PCDH9: variants seen among roughly 807,000 people sequenced by gnomAD.
PCDH9 encodes protocadherin-9.
Under a neutral mutation model 70.6 loss-of-function variants are expected in PCDH9, and 24 were observed. The observed-to-expected ratio is 0.34, with a 90% CI of 0.25 to 0.48. The LOEUF is 0.48. PCDH9 is among the 20% of genes least tolerant of loss of function. The probability of loss-of-function intolerance (pLI) is 0.99; values close to 1 mark genes in which losing one functional copy is unlikely to be tolerated. For missense variants in PCDH9, 1,281 were observed against 1,503.6 expected, an observed-to-expected ratio of 0.85 and a Z score of 2.45; for synonymous variants, 562 against 558.5, an observed-to-expected ratio of 1.01 and a Z score of -0.09.
chr13:67,035,293 A>G (rs1464499545), intron 2 of PCDH9, among the ~76,000 whole-genome samples: 1 of 152,156 alleles, frequency 6.6e-6, no homozygotes, highest in Admixed American at 6.5e-5. Context: ...GATGTGGTGC[A>G]TATAGCTTTT....
At chr13:66,810,848 T>A (rs2080491540) in intron 3 of PCDH9, among the ~76,000 whole-genome samples, 1 of 151,778 alleles carries the variant, frequency 6.6e-6, no homozygotes, top group Non-Finnish European at 1.5e-5. Flanking sequence ...CATATATATA[T>A]AATATATATA....
intron 4 of PCDH9, among the ~76,000 whole-genome samples, chr13:66,433,268 A>C (rs1328640505): frequency 6.6e-6 from 1 of 151,986 alleles, no homozygotes; most frequent in Non-Finnish European, 1.5e-5. Flanking sequence ...AGTTTAATTT[A>C]AATGCCTTTG....
chr13:66,359,787 A>G (rs1956438857), intron 4 of PCDH9, among the ~76,000 whole-genome samples: 1 of 152,080 alleles, frequency 6.6e-6, no homozygotes, highest in South Asian at 2.1e-4. Flanking sequence ...TCTAAGCTTA[A>G]CCATTCAGTT....
intron 2 of PCDH9, among the ~76,000 whole-genome samples, chr13:67,174,123 A>G (rs891492660): frequency 3.3e-5 from 5 of 152,144 alleles, no homozygotes; most frequent in African/African-American, 1.2e-4. Flanking sequence ...AATTAACAAG[A>G]TTATTTGTGG....
chr13:66,715,029 G>A (rs981548474), intron 3 of PCDH9, among the ~76,000 whole-genome samples: 3 of 152,098 alleles, frequency 2.0e-5, no homozygotes, highest in African/African-American at 7.2e-5. Flanking sequence ...AATGTTAAGA[G>A]TCTTATAGGA....
chr13:66,622,788 C>G (rs558621410), intron 4 of PCDH9, among the ~76,000 whole-genome samples: 2 of 152,150 alleles, frequency 1.3e-5, no homozygotes, highest in Admixed American at 1.3e-4. Context: ...AGTGGCAATC[C>G]GCGCTGGTGG....
chr13:66,390,561 C>T (rs557347203), intron 4 of PCDH9, among the ~76,000 whole-genome samples: 1 of 151,968 alleles, frequency 6.6e-6, no homozygotes, highest in Non-Finnish European at 1.5e-5. Context: ...CATGGTGAAA[C>T]CCCATCTATA....
chr13:66,733,822 G>A (rs2079108334), intron 3 of PCDH9, among the ~76,000 whole-genome samples: 1 of 151,700 alleles, frequency 6.6e-6, no homozygotes, highest in African/African-American at 2.4e-5. Context: ...CTTACTTTTT[G>A]TTACTTTGCT....
intron 4 of PCDH9, among the ~76,000 whole-genome samples, chr13:66,548,480 G>A (rs187402047): frequency 2.6e-5 from 4 of 151,996 alleles, no homozygotes; most frequent in African/African-American, 4.8e-5. Context: ...TGGGAGAATC[G>A]CTTGAACCCA....
chr13:66,926,004 T>C (rs1336990880), intron 2 of PCDH9, among the ~76,000 whole-genome samples: 1 of 151,994 alleles, frequency 6.6e-6, no homozygotes, highest in Non-Finnish European at 1.5e-5. Flanking sequence ...AAGTATGAGT[T>C]TAAATAGAAA....
chr13:66,847,797 A>G (rs2081237965), intron 3 of PCDH9, among the ~76,000 whole-genome samples: 1 of 152,146 alleles, frequency 6.6e-6, no homozygotes. Flanking sequence ...GAGCCCAGAG[A>G]CAGAAGATGC....
intron 2 of PCDH9, among the ~76,000 whole-genome samples, chr13:66,940,378 ATGT>A (rs2082987760): frequency 6.6e-6 from 1 of 152,126 alleles, no homozygotes; most frequent in African/African-American, 2.4e-5. Flanking sequence ...GTTCAAAAAC[ATGT>A]TGTGAGTCAG....
At chr13:66,453,622 C>T (rs1338933553) in intron 4 of PCDH9, among the ~76,000 whole-genome samples, 3 of 152,160 alleles carry the variant, frequency 2.0e-5, no homozygotes, top group Non-Finnish European at 2.9e-5. Context: ...AATCCTTTAA[C>T]CACTGTGGAC....
intron 3 of PCDH9, among the ~76,000 whole-genome samples, chr13:66,902,788 G>T (rs73208972): frequency 1.3e-5 from 2 of 151,562 alleles, no homozygotes; most frequent in Non-Finnish European, 3.0e-5. Flanking sequence ...ATAGTAAGTT[G>T]TATGTTATGT....
chr13:66,713,632 T>TATATATATAC (rs2078828063), intron 3 of PCDH9, among the ~76,000 whole-genome samples: 1 of 129,502 alleles, frequency 7.7e-6, no homozygotes, highest in Non-Finnish European at 1.6e-5. Flanking sequence ...TGTGTATATA[T>TATATATATAC]ATATATATAT....
At chr13:66,661,065 A>G (rs954417566) in intron 3 of PCDH9, among the ~76,000 whole-genome samples, 7 of 152,238 alleles carry the variant, frequency 4.6e-5, no homozygotes, top group African/African-American at 1.7e-4. Flanking sequence ...GAAACAAAAT[A>G]GTTAAAATAA....
At chr13:67,182,320 G>A (rs2088639006) in intron 2 of PCDH9, among the ~76,000 whole-genome samples, 1 of 152,068 alleles carries the variant, frequency 6.6e-6, no homozygotes. Context: ...ATGGAGTTGA[G>A]AGGTTAGACA....
intron 3 of PCDH9, among the ~76,000 whole-genome samples, chr13:66,716,067 C>G (rs2078862800): frequency 6.6e-6 from 1 of 152,164 alleles, no homozygotes; most frequent in African/African-American, 2.4e-5. Flanking sequence ...TAAAAACATG[C>G]TTAATACTAT....
intron 4 of PCDH9, among the ~76,000 whole-genome samples, chr13:66,316,699 C>T (rs1955657587): frequency 6.6e-6 from 1 of 151,966 alleles, no homozygotes; most frequent in African/African-American, 2.4e-5. Flanking sequence ...ATAATGATAT[C>T]CTCTACTCAG....
Sources: allele counts gnomAD v4.1 joint callset (sites outside exome capture counted in the v4.1 genomes callset), GRCh38; gene constraint gnomAD v4.1.1; transcripts MANE v1.5; gene names NCBI Gene and HGNC (gene_info 2026-07-23, HGNC 2026-07-21).